ELFN1: variants seen among roughly 807,000 people sequenced by gnomAD.
ELFN1 encodes protein ELFN1.
Under a neutral mutation model 7.6 loss-of-function variants are expected in ELFN1, and 6 were observed. The ratio of observed to expected loss-of-function variants is 0.79; its 90% CI spans 0.43 to 1.56. The LOEUF (loss-of-function observed/expected upper bound fraction) is 1.56. Among genes scored for constraint, ELFN1 ranks in the 40% most tolerant of loss-of-function variants. The pLI, the probability that ELFN1 is intolerant of heterozygous loss-of-function variation, is 0.01. For synonymous variants in ELFN1, 657 were observed against 588.1 expected, an observed-to-expected ratio of 1.12 and a Z score of -1.70; for missense variants, 1,169 against 1,232.2, an observed-to-expected ratio of 0.95 and a Z score of 0.77.
At chr7:1,686,575 G>T (rs916709348) in intron 1 of ELFN1, among the ~76,000 whole-genome samples, 1 of 151,836 alleles carries the variant, frequency 6.6e-6, no homozygotes, top group Non-Finnish European at 1.5e-5. Context: ...ATTGGTTTGG[G>T]GTTGTTTCCA....
intron 1 of ELFN1, among the ~76,000 whole-genome samples, chr7:1,677,566 G>C (rs957120471): frequency 7.9e-5 from 12 of 152,230 alleles, no homozygotes; most frequent in Middle Eastern, 6.8e-3. Context: ...CTGAATATGG[G>C]AGTGTGCACA....
intron 2 of ELFN1, among the ~76,000 whole-genome samples, chr7:1,698,987 C>T (rs1018569296): frequency 5.9e-5 from 9 of 152,320 alleles, no homozygotes; most frequent in Admixed American, 2.6e-4. Context: ...TGGCTCCTTC[C>T]GGCATAGCTG....
intron 1 of ELFN1, among the ~76,000 whole-genome samples, chr7:1,685,702 C>A (rs896713429): frequency 6.6e-6 from 1 of 150,814 alleles, no homozygotes; most frequent in African/African-American, 2.4e-5. Flanking sequence ...TATTATTATC[C>A]TTTTCTTCAA....
chr7:1,714,034 C>A (rs376967347), intron 3 of ELFN1, among the ~76,000 whole-genome samples: 1 of 152,212 alleles, frequency 6.6e-6, no homozygotes, highest in Non-Finnish European at 1.5e-5. Flanking sequence ...GCCGGCTCCC[C>A]GAGTCCCCGC....
Position 1,719,698 on chromosome 7 carries a change from G to T in ELFN1, c.-294+10446G>T, listed in dbSNP as rs565593905. 5.3e-5 allele frequency among the ~76,000 whole-genome samples: 8 copies of T among 152,332 alleles called. No homozygotes were observed. In the East Asian group the frequency reaches 1.4e-3, roughly 26 times the overall value. On this transcript the variant is annotated intron_variant, in intron 3 of 3. Transcript: ENST00000424383. The stretch of plus-strand genomic sequence containing the variant: ...TCTTGAAAACCAAAGACACAACAGG[G>T]CCCAGAGGAATCTCCCCAAATGGTG...
chr7:1,697,264 GGACACGCACA>G (rs1414240984), intron 2 of ELFN1, among the ~76,000 whole-genome samples: 2 of 152,208 alleles, frequency 1.3e-5, no homozygotes, highest in Non-Finnish European at 2.9e-5. Flanking sequence ...TCCCATCCAT[GGACACGCACA>G]GGGCCTGAGA....
intron 3 of ELFN1, among the ~76,000 whole-genome samples, chr7:1,723,207 T>G (rs1780077173): frequency 6.6e-6 from 1 of 152,124 alleles, no homozygotes; most frequent in Admixed American, 6.5e-5. Context: ...AAAAAATTTT[T>G]TTTCATAGTG....
At chr7:1,741,913 G>T (rs111584579) in intron 3 of ELFN1, among the ~76,000 whole-genome samples, 2 of 152,180 alleles carry the variant, frequency 1.3e-5, no homozygotes, top group African/African-American at 2.4e-5. Context: ...CATGGCCTGC[G>T]CACTCATGTA....
chr7:1,698,955 C>G (rs370886444), intron 2 of ELFN1, among the ~76,000 whole-genome samples: 10 of 152,352 alleles, frequency 6.6e-5, no homozygotes, highest in East Asian at 5.8e-4. Flanking sequence ...ACCTCTCCCC[C>G]ACCTCAGGGT....
intron 1 of ELFN1, among the ~76,000 whole-genome samples, chr7:1,679,853 T>A (rs1432152780): frequency 6.6e-6 from 1 of 152,168 alleles, no homozygotes; most frequent in Non-Finnish European, 1.5e-5. Context: ...GAAAGCCCCA[T>A]TGTGCAGGGT....
rs1425914681 is a variant in ELFN1 at position 1,735,714 on chromosome 7, A to G, written c.-293-8590A>G. ...GCAACTGTGCTGAAGGAAAACCCAC[A>G]TATGTCCAGCGTGCGGCTCCATCTC... On this transcript the variant is annotated intron_variant, in intron 3 of 3. Coordinates refer to ENST00000424383, the MANE Select transcript of ELFN1 (RefSeq NM_001128636.4). The surrounding 1 kb of genome is among the most constrained non-coding windows in gnomAD (Gnocchi z 5.9). 6.6e-6 allele frequency among the ~76,000 whole-genome samples: 1 copy of G among 151,944 alleles called. No individual in the cohort carries two copies. Among genetic ancestry groups the G allele is most frequent in the Non-Finnish European group, 1.5e-5 (1 of 67,966 alleles).
Position 1,677,799 on chromosome 7 carries a change from G to A in ELFN1, c.-549+7445G>A, listed in dbSNP as rs374464311. Among the ~76,000 whole-genome samples the A allele has an allele frequency of 1.9e-3, 287 of 152,054 alleles. 2 individuals carry two copies. Among genetic ancestry groups the A allele is most frequent in the South Asian group, 0.014 (67 of 4,812 alleles). ...CTTTTTCTTTTTTTTTGCAAATTCA[G>A]TCGAGCGGATGGAGGCTCTGAGATG... On this transcript the variant is annotated intron_variant, in intron 1 of 3. Coordinates refer to ENST00000424383, the MANE Select transcript of ELFN1 (RefSeq NM_001128636.4).
chr7:1,747,292 T>G lies in ELFN1; in HGVS notation c.*209T>G, dbSNP rs1583414542. ...CCTGGGATGCGCTTGTCGCCCCGGGTGGCACGTGTCCACACACACACACAC... is the reference window on the plus strand; with the variant it reads ...CCTGGGATGCGCTTGTCGCCCCGGGGGGCACGTGTCCACACACACACACAC... On this transcript the variant is annotated 3_prime_UTR_variant, in exon 4 of 4. Transcript: ENST00000424383. 2.8e-6 allele frequency: 1 copy of G among 360,616 alleles called. No homozygotes were observed. The allele number at this position is 360,616 out of a possible 1,614,324, so 22.3% of individuals were successfully genotyped here.
chr7:1,667,968 G>GC (rs1173819548), upstream of ELFN1, among the ~76,000 whole-genome samples: 1 of 143,896 alleles, frequency 6.9e-6, no homozygotes, highest in Non-Finnish European at 1.6e-5. This position sits in a 1 kb window ranked among gnomAD's most constrained non-coding sequence, Gnocchi z 8.2. Context: ...CTCGGGGTGG[G>GC]GGGGGGGGGC....
Position 1,673,168 on chromosome 7 carries a change from G to A in ELFN1, c.-549+2814G>A, listed in dbSNP as rs1778801138. Among the ~76,000 whole-genome samples, 1 of 152,168 alleles carries A rather than the reference G, an allele frequency of 6.6e-6. No individual in the cohort carries two copies. On this transcript the variant is annotated intron_variant, in intron 1 of 3. Coordinates refer to ENST00000424383, the MANE Select transcript of ELFN1 (RefSeq NM_001128636.4). The surrounding 1 kb of genome is among the most constrained non-coding windows in gnomAD (Gnocchi z 4.7). Reference sequence around the variant, plus strand: ...GCTCAGGTGTCAAGTGGCCTTGGGTGGGTGTTTGTGGGGGTGGCTGGTGGT... The same window carrying A: ...GCTCAGGTGTCAAGTGGCCTTGGGTAGGTGTTTGTGGGGGTGGCTGGTGGT...
chr7:1,729,077 G>A (rs1780269575), intron 3 of ELFN1, among the ~76,000 whole-genome samples: 1 of 152,338 alleles, frequency 6.6e-6, no homozygotes, highest in Admixed American at 6.5e-5. Flanking sequence ...GCCCCGCGGA[G>A]CTGCCACTGC....
At chr7:1,715,534 G>C (rs971925446) in intron 3 of ELFN1, among the ~76,000 whole-genome samples, 1 of 152,160 alleles carries the variant, frequency 6.6e-6, no homozygotes, top group African/African-American at 2.4e-5. Flanking sequence ...CAGCACCTGG[G>C]TCTCCTGCCC....
intron 3 of ELFN1, among the ~76,000 whole-genome samples, chr7:1,717,724 G>A (rs1344661666): frequency 1.3e-5 from 2 of 152,162 alleles, no homozygotes; most frequent in African/African-American, 4.8e-5. Context: ...ATGAGAGATG[G>A]CAGAAACAGT....
At position 1,740,263 on chromosome 7, in the gene ELFN1, G is replaced by A. The variant is rs1278956646; in HGVS notation, c.-293-4041G>A. Among the ~76,000 whole-genome samples the A allele has an allele frequency of 1.3e-5, 2 of 152,212 alleles. No individual in the cohort carries two copies. Among genetic ancestry groups the A allele is most frequent in the Non-Finnish European group, 2.9e-5 (2 of 68,044 alleles). On this transcript the variant is annotated intron_variant, in intron 3 of 3. Coordinates refer to ENST00000424383, the MANE Select transcript of ELFN1 (RefSeq NM_001128636.4). This position sits in a 1 kb window ranked among gnomAD's most constrained non-coding sequence, Gnocchi z 5.0. ...TCAGGCAGTGGGGAGCCGCCCTCCT[G>A]AGGGATGCCTATTGCCCTCCCTGGG... is the stretch of plus-strand genomic sequence containing the variant.
Sources: allele counts gnomAD v4.1 joint callset (sites outside exome capture counted in the v4.1 genomes callset), GRCh38; gene constraint gnomAD v4.1.1; non-coding constraint Gnocchi (gnomAD v3.1); transcripts MANE v1.5; gene names NCBI Gene and HGNC (gene_info 2026-07-23, HGNC 2026-07-21).